Variants in ELAVL1 observed in about 807,000 individuals in gnomAD.
The protein encoded by ELAVL1 is ELAV-like protein 1.
A neutral mutation model predicts 28.4 loss-of-function variants in ELAVL1; 1 was observed. The observed-to-expected ratio is 0.04, with a 90% CI of 0.01 to 0.17. The LOEUF (loss-of-function observed/expected upper bound fraction) is 0.17. Ranked by LOEUF, ELAVL1 falls within the 10% of genes least tolerant of loss-of-function variation. The pLI, the probability that ELAVL1 is intolerant of heterozygous loss-of-function variation, is 1.00. For synonymous variants in ELAVL1, 174 were observed against 183.5 expected (o/e 0.95, Z 0.42); for missense variants, 157 against 447.2 (o/e 0.35, Z 5.85).
intron 1 of ELAVL1, chr19:8,002,180 T>C: frequency 1.6e-6 from 2 of 1,238,910 alleles, no homozygotes; most frequent in South Asian, 2.5e-5. Context: ...CTCTGAACAC[T>C]GCGATGTTCC....
In ELAVL1 at chr19:7,959,148, A is replaced by G. The variant is rs1243628416; in HGVS notation, c.*4335T>C. ...CTGAAAATAATTTAAAAAGCTTAAA[A>G]GTTACATAGGCATCTTCAAAAGAAC... On this transcript the variant is annotated 3_prime_UTR_variant, in exon 6 of 6. Transcript: ENST00000407627. The G allele has an allele frequency of 8.5e-5, 13 of 152,722 alleles. No homozygotes were observed. The Admixed American group carries it at 8.5e-4, about 10-fold the overall frequency. The allele number at this position is 152,722 out of a possible 1,614,324, so 9.5% of individuals were successfully genotyped here.
At chr19:8,002,042 C>T (rs1353700240) in intron 1 of ELAVL1, 4 of 1,289,252 alleles carry the variant, frequency 3.1e-6, no homozygotes, top group Non-Finnish European at 3.0e-6. Context: ...AGTAGCCACC[C>T]CTGGCCTACC....
chr19:8,003,381 G>GAAAAAAAAAA (rs71165249), intron 1 of ELAVL1, among the ~76,000 whole-genome samples: 1 of 88,750 alleles, frequency 1.1e-5, no homozygotes, highest in Non-Finnish European at 2.1e-5. Context: ...AAAAGAAAAA[G>GAAAAAAAAAA]AAAAAAAAAA....
chr19:7,967,275 T>A (rs2145201236), intron 5 of ELAVL1, among the ~76,000 whole-genome samples: 1 of 152,288 alleles, frequency 6.6e-6, no homozygotes, highest in East Asian at 1.9e-4. Context: ...GCTCAATCGA[T>A]CTTCCTCTCT....
At chr19:7,985,264 G>A (rs1568313424) in intron 2 of ELAVL1, among the ~76,000 whole-genome samples, 1 of 152,202 alleles carries the variant, frequency 6.6e-6, no homozygotes, top group South Asian at 2.1e-4. Context: ...AGTGCATGAG[G>A]GGCATGGGGC....
intron 1 of ELAVL1, among the ~76,000 whole-genome samples, chr19:7,997,988 A>C (rs964110871): frequency 2.6e-5 from 4 of 152,138 alleles, no homozygotes; most frequent in Non-Finnish European, 4.4e-5. Context: ...ATAAATTTTA[A>C]AAGGTTTAAA....
Position 7,981,218 on chromosome 19 carries a change from C to G in ELAVL1, c.173-32G>C. 1 of 1,611,998 alleles carries G rather than the reference C, an allele frequency of 6.2e-7. No homozygotes were observed. Among genetic ancestry groups the G allele is most frequent in the Non-Finnish European group, 8.5e-7 (1 of 1,178,032 alleles). On this transcript the variant is annotated intron_variant, in intron 2 of 5. Transcript: ENST00000407627. This position sits in a 1 kb window ranked among gnomAD's most constrained non-coding sequence, Gnocchi z 4.2. ...AAGAGAACATGAAGACATTGGTAAG[C>G]CAACCGTCTGCGAGTGAGGGACAGG...
rs184395774 is a variant in ELAVL1, at chr19:7,990,867, T to C, written c.172+777A>G. On this transcript the variant is annotated intron_variant, in intron 2 of 5. Transcript: ENST00000407627. Reference sequence around the variant, plus strand: ...GGAGGAGAGCTCCGCACATGGTCTGTCCGTAATTCTCTCCCGAGTCCTTGA... The same window carrying C: ...GGAGGAGAGCTCCGCACATGGTCTGCCCGTAATTCTCTCCCGAGTCCTTGA... Among the ~76,000 whole-genome samples the C allele has an allele frequency of 1.9e-3, 288 of 152,258 alleles. 3 individuals are homozygous for C. Among genetic ancestry groups the C allele is most frequent in the African/African-American group, 6.6e-3 (275 of 41,556 alleles).
Position 7,979,509 on chromosome 19 carries a change from C to T in ELAVL1, c.276+1574G>A, listed in dbSNP as rs1185416177. On this transcript the variant is annotated intron_variant, in intron 3 of 5. Transcript: ENST00000407627. This position sits in a 1 kb window ranked among gnomAD's most constrained non-coding sequence, Gnocchi z 5.4. ...CGTTCTGCTCCACACCTCAGCCTGG[C>T]TGCCTCAGAAACAAGAACCTTCACA... Among the ~76,000 whole-genome samples the T allele has an allele frequency of 6.6e-6, 1 of 152,254 alleles. No homozygotes were observed. Among genetic ancestry groups the T allele is most frequent in the Non-Finnish European group, 1.5e-5 (1 of 68,046 alleles).
chr19:7,991,706 C>A lies in ELAVL1; in HGVS notation c.110G>T (p.Arg37Leu). 1 of 1,614,120 alleles carries A rather than the reference C, an allele frequency of 6.2e-7. No homozygotes were observed. ...TTCACCAATGCTGCTGAACAGGCTT[C>A]GTAACTCATCCTGGGTCATGTTCTG... The part of the protein sequence containing the change: ...LPQNMTQDEL[R>L]SLFSSIGEVE... Residue 37 changes from arginine to leucine, a missense_variant, in exon 2 of 6, where the codon CGA becomes CTA. Coordinates refer to ENST00000407627, the MANE Select transcript of ELAVL1 (RefSeq NM_001419.3).
intron 5 of ELAVL1, among the ~76,000 whole-genome samples, chr19:7,967,081 G>A (rs115123880): frequency 6.6e-6 from 1 of 151,826 alleles, no homozygotes; most frequent in African/African-American, 2.4e-5. Flanking sequence ...TGTGGCCCAG[G>A]CTGGAGTGCA....
intron 3 of ELAVL1, among the ~76,000 whole-genome samples, chr19:7,975,678 G>C (rs1025974701): frequency 6.6e-6 from 1 of 152,192 alleles, no homozygotes; most frequent in African/African-American, 2.4e-5. Context: ...AAATTCATAT[G>C]CCGAAGTCCT....
At position 7,973,726 on chromosome 19, in the gene ELAVL1, T is replaced by G; in HGVS notation, c.429A>C (p.Thr143=). The G allele has an allele frequency of 6.2e-7, 1 of 1,613,894 alleles. No individual in the cohort carries two copies. Among genetic ancestry groups the G allele is most frequent in the Non-Finnish European group, 8.5e-7 (1 of 1,179,872 alleles). ...ACGCGTCTGGGGCCCCTCTGGTACC[T>G]GTAGTCTGATCCACGAGGACCCGCG... ...INSRVLVDQT[T]GLSRGVAFIR... Residue 143 remains threonine (T), a splice_region_variant and synonymous_variant, in exon 4 of 6, where the codon ACA becomes ACC. Transcript: ENST00000407627.
At chr19:7,972,552 G>A (rs1031236431) in intron 4 of ELAVL1, among the ~76,000 whole-genome samples, 7 of 152,220 alleles carry the variant, frequency 4.6e-5, no homozygotes, top group Admixed American at 2.6e-4. Flanking sequence ...TGGGGATTTG[G>A]GCCATCAGAC....
At chr19:7,968,793 T>A (rs1344554483) in intron 4 of ELAVL1, among the ~76,000 whole-genome samples, 4 of 152,162 alleles carry the variant, frequency 2.6e-5, no homozygotes, top group Non-Finnish European at 5.9e-5. Flanking sequence ...TGCCTGTCCA[T>A]ACACTAGGCC....
intron 2 of ELAVL1, 119 bp downstream of exon 2, chr19:7,991,525 T>C (rs576170328): frequency 1.0e-6 from 1 of 1,000,548 alleles, no homozygotes; most frequent in South Asian, 1.9e-5. Context: ...TTCACAGCCA[T>C]CGTTTCAAGG....
At chr19:7,988,705 A>G (rs983814005) in intron 2 of ELAVL1, among the ~76,000 whole-genome samples, 2 of 152,248 alleles carry the variant, frequency 1.3e-5, no homozygotes, top group African/African-American at 2.4e-5. Flanking sequence ...TACTGGGACC[A>G]CGTGGGTGGA....
In ELAVL1 at chr19:7,982,348, C is replaced by T. The variant is rs955302342; in HGVS notation, c.173-1162G>A. ...GAGCCTCACCCAGCACTGCTCCATT[C>T]CCCCAGCCGGCAGAGCGCGACAACG... On this transcript the variant is annotated intron_variant, in intron 2 of 5. Coordinates refer to ENST00000407627, the MANE Select transcript of ELAVL1 (RefSeq NM_001419.3). This position sits in a 1 kb window ranked among gnomAD's most constrained non-coding sequence, Gnocchi z 4.3. 3.9e-5 allele frequency among the ~76,000 whole-genome samples: 6 copies of T among 152,286 alleles called. No homozygotes were observed. Among genetic ancestry groups the T allele is most frequent in the African/African-American group, 1.4e-4 (6 of 41,564 alleles).
At chr19:7,972,317 G>A (rs561406469) in intron 4 of ELAVL1, among the ~76,000 whole-genome samples, 4 of 152,374 alleles carry the variant, frequency 2.6e-5, no homozygotes, top group East Asian at 3.9e-4. Flanking sequence ...AGCCTAGTGC[G>A]GCAGGCGGGC....
Sources: allele counts gnomAD v4.1 joint callset (sites outside exome capture counted in the v4.1 genomes callset), GRCh38; gene constraint gnomAD v4.1.1; non-coding constraint Gnocchi (gnomAD v3.1); transcripts MANE v1.5; gene names NCBI Gene and HGNC (gene_info 2026-07-23, HGNC 2026-07-21).